TCF12: variants seen among roughly 807,000 people sequenced by gnomAD.
TCF12 encodes the protein transcription factor 12.
Under a neutral mutation model 86.0 loss-of-function variants are expected in TCF12, and 45 were observed. That is an observed-to-expected ratio of 0.52 (90% CI 0.41 to 0.67). The LOEUF (loss-of-function observed/expected upper bound fraction) is 0.67. Among genes scored for constraint, TCF12 ranks in the 30% least tolerant of loss-of-function variants. The pLI is 0.00. For missense variants in TCF12, 881 were observed against 859.9 expected, an observed-to-expected ratio of 1.02 and a Z score of -0.31; for synonymous variants, 330 against 299.6, an observed-to-expected ratio of 1.10 and a Z score of -1.05.
At chr15:56,935,293 G>T (rs1383779623) in intron 3 of TCF12, among the ~76,000 whole-genome samples, 1 of 152,088 alleles carries the variant, frequency 6.6e-6, no homozygotes, top group African/African-American at 2.4e-5. Flanking sequence ...TTACACGACA[G>T]AAATTTATTT....
intron 6 of TCF12, among the ~76,000 whole-genome samples, chr15:57,185,841 C>G (rs1567588180): frequency 6.6e-6 from 1 of 152,090 alleles, no homozygotes; most frequent in Non-Finnish European, 1.5e-5. Context: ...ATGTTTGTGC[C>G]ACTGCACTCC....
At chr15:56,928,692 T>C (rs926147186) in intron 3 of TCF12, among the ~76,000 whole-genome samples, 16 of 152,230 alleles carry the variant, frequency 1.1e-4, no homozygotes, top group African/African-American at 3.6e-4. Flanking sequence ...TGCAGAATAA[T>C]GAAGAGAATG....
At position 57,284,477 on chromosome 15, in the gene TCF12, T is replaced by C. The variant is rs749873533; in HGVS notation, c.*12-1680T>C. On this transcript the variant is annotated intron_variant, in intron 20 of 20. Coordinates refer to ENST00000333725, the MANE Select transcript of TCF12 (RefSeq NM_207037.2). ...CGACCACCTCGGCTTCCCCAAGTGCTGGCGTTACAGGCGTGAGCCGCTGAG... is the reference window on the plus strand; with the variant it reads ...CGACCACCTCGGCTTCCCCAAGTGCCGGCGTTACAGGCGTGAGCCGCTGAG... Among the ~76,000 whole-genome samples the C allele has an allele frequency of 1.4e-4, 22 of 152,192 alleles. 1 individual carries two copies. The highest frequency in any genetic ancestry group is 6.3e-3 in the Middle Eastern group (2 of 316).
At chr15:57,053,355 G>A (rs2067769608) in intron 3 of TCF12, among the ~76,000 whole-genome samples, 1 of 152,126 alleles carries the variant, frequency 6.6e-6, no homozygotes, top group African/African-American at 2.4e-5. Flanking sequence ...GGTTTCTTAT[G>A]TATGTTGGAC....
At chr15:57,162,424 T>A (rs1239135029) in intron 5 of TCF12, among the ~76,000 whole-genome samples, 2 of 152,200 alleles carry the variant, frequency 1.3e-5, no homozygotes, top group Non-Finnish European at 1.5e-5. Flanking sequence ...TATGCATTAT[T>A]TTATTTCAAG....
intron 7 of TCF12, among the ~76,000 whole-genome samples, chr15:57,195,075 G>GT (rs1299071444): frequency 3.9e-5 from 6 of 152,128 alleles, no homozygotes; most frequent in Admixed American, 1.3e-4. Context: ...GCTAATTTTT[G>GT]TATTTTTAGT....
At chr15:57,178,604 C>T (rs1437277085) in intron 6 of TCF12, among the ~76,000 whole-genome samples, 4 of 152,148 alleles carry the variant, frequency 2.6e-5, no homozygotes, top group African/African-American at 9.7e-5. Flanking sequence ...ATGTTAGCAC[C>T]TCACACAGCT....
intron 6 of TCF12, among the ~76,000 whole-genome samples, chr15:57,174,106 G>A (rs1380032982): frequency 1.3e-5 from 2 of 152,138 alleles, no homozygotes. Flanking sequence ...TCTTTCAAAT[G>A]CTTAGGAAAA....
chr15:57,177,212 A>G (rs1291755847), intron 6 of TCF12, among the ~76,000 whole-genome samples: 2 of 152,058 alleles, frequency 1.3e-5, no homozygotes, highest in Admixed American at 6.6e-5. Context: ...ACATAGGTAA[A>G]TAAATTGTTT....
chr15:57,249,422 A>AG (rs2060006892), intron 13 of TCF12, among the ~76,000 whole-genome samples: 1 of 152,048 alleles, frequency 6.6e-6, no homozygotes, highest in Non-Finnish European at 1.5e-5. Context: ...AGTAAAAAAA[A>AG]AAAAATTAAC....
At chr15:57,157,199 CG>C (rs1490349292) in intron 5 of TCF12, among the ~76,000 whole-genome samples, 7 of 151,508 alleles carry the variant, frequency 4.6e-5, no homozygotes, top group African/African-American at 1.7e-4. Flanking sequence ...TATTTTAAAT[CG>C]TTTTTTAAGA....
intron 5 of TCF12, among the ~76,000 whole-genome samples, chr15:57,093,942 G>T (rs2049154079): frequency 6.6e-6 from 1 of 152,088 alleles, no homozygotes; most frequent in South Asian, 2.1e-4. Flanking sequence ...TTGAGACAGG[G>T]TCTCACTTTG....
At position 56,939,865 on chromosome 15, in the gene TCF12, A is replaced by G. The variant is rs374432805; in HGVS notation, c.148+18767A>G. On this transcript the variant is annotated intron_variant, in intron 3 of 20. Transcript: ENST00000333725. Reference sequence around the variant, plus strand: ...CTCAAGGATGAGCAAGAAGTGGCCAAGTAGTAAAGCCATGGAGGTTGTATG... The same window carrying G: ...CTCAAGGATGAGCAAGAAGTGGCCAGGTAGTAAAGCCATGGAGGTTGTATG... Among the ~76,000 whole-genome samples the G allele has an allele frequency of 7.9e-5, 12 of 152,268 alleles. No individual in the cohort carries two copies. The South Asian group carries it at 1.5e-3, about 18-fold the overall frequency.
chr15:57,194,139 A>G (rs550388533), intron 7 of TCF12, among the ~76,000 whole-genome samples: 41 of 152,340 alleles, frequency 2.7e-4, no homozygotes, highest in Non-Finnish European at 5.4e-4. Flanking sequence ...TAACTAGGGA[A>G]GAGGGGAGTA....
intron 5 of TCF12, 179 bp downstream of exon 5, chr15:57,092,070 G>A: frequency 4.1e-6 from 2 of 482,564 alleles, no homozygotes; most frequent in Non-Finnish European, 7.4e-6. Context: ...GAAAATTTGG[G>A]GTCTACTCTT....
At chr15:57,049,908 G>C (rs2067495501) in intron 3 of TCF12, among the ~76,000 whole-genome samples, 1 of 152,010 alleles carries the variant, frequency 6.6e-6, no homozygotes, top group African/African-American at 2.4e-5. Flanking sequence ...TTGTGCCTTT[G>C]TTTTGCCCTT....
rs541388736 is a variant in TCF12, at chr15:57,081,558, G to C, written c.223-10231G>C. ...TTATAGTAGTAGTTATTACTTTTTA[G>C]TTGGAGCCTCACTCTGTCACCCATG... is the stretch of plus-strand genomic sequence containing the variant. On this transcript the variant is annotated intron_variant, in intron 4 of 20. Coordinates refer to ENST00000333725, the MANE Select transcript of TCF12 (RefSeq NM_207037.2). 1.6e-3 allele frequency among the ~76,000 whole-genome samples: 243 copies of C among 152,264 alleles called. 1 individual carries two copies. Among genetic ancestry groups the C allele is most frequent in the African/African-American group, 5.6e-3 (233 of 41,546 alleles).
intron 6 of TCF12, among the ~76,000 whole-genome samples, chr15:57,170,690 A>T (rs796115656): frequency 0.19 from 625 of 3,306 alleles, 43 homozygotes; most frequent in African/African-American, 0.29. Flanking sequence ...ATTATATATA[A>T]TATATATTAT....
At chr15:56,969,284 A>C (rs1188212290) in intron 3 of TCF12, among the ~76,000 whole-genome samples, 2 of 152,146 alleles carry the variant, frequency 1.3e-5, no homozygotes. Flanking sequence ...CAGTAGGATC[A>C]CTCTGGCTGC....
Sources: gnomAD v4.1 joint callset for allele counts (sites outside exome capture counted in the v4.1 genomes callset) on GRCh38, gnomAD v4.1.1 for gene constraint, MANE v1.5 for transcripts, NCBI Gene and HGNC (gene_info 2026-07-23, HGNC 2026-07-21) for gene names.